The following DCLK1 variants were observed in gnomAD, a reference collection of about 807,000 sequenced individuals.
DCLK1 encodes the protein doublecortin like kinase 1.
A neutral mutation model predicts 86.2 loss-of-function variants in DCLK1; 16 were observed. The ratio of observed to expected loss-of-function variants is 0.19; its 90% CI spans 0.13 to 0.28. The LOEUF (loss-of-function observed/expected upper bound fraction) is 0.28, where lower values mean the gene tolerates loss of function less well. Among genes scored for constraint, DCLK1 ranks in the 10% least tolerant of loss-of-function variants. The pLI, the probability that DCLK1 is intolerant of heterozygous loss-of-function variation, is 1.00. For missense variants in DCLK1, 590 were observed against 940.2 expected (o/e 0.63, Z 4.87); for synonymous variants, 369 against 370.5 (o/e 1.00, Z 0.05).
At chr13:35,956,944 T>C (rs1207057985) in intron 3 of DCLK1, among the ~76,000 whole-genome samples, 1 of 152,208 alleles carries the variant, frequency 6.6e-6, no homozygotes, top group African/African-American at 2.4e-5. Flanking sequence ...AAAGCATTCA[T>C]ATAAAACTTT....
intron 3 of DCLK1, among the ~76,000 whole-genome samples, chr13:36,060,683 T>G (rs1244425201): frequency 6.6e-6 from 1 of 152,158 alleles, no homozygotes; most frequent in East Asian, 1.9e-4. Flanking sequence ...ATGAATTAAA[T>G]GAGTTAATAA....
At chr13:35,790,365 T>A (rs1245659301) in intron 16 of DCLK1, among the ~76,000 whole-genome samples, 1 of 152,144 alleles carries the variant, frequency 6.6e-6, no homozygotes, top group African/African-American at 2.4e-5. Context: ...CTCCAGCAGG[T>A]AGTTAGGTTT....
intron 4 of DCLK1, among the ~76,000 whole-genome samples, chr13:35,916,552 C>T (rs989725578): frequency 9.2e-5 from 14 of 152,148 alleles, no homozygotes; most frequent in African/African-American, 3.4e-4. Context: ...TCTGATCCTG[C>T]CCTTCTCCTT....
In DCLK1 at chr13:36,001,101, A is replaced by G. The variant is rs532465420; in HGVS notation, c.724-53644T>C. 5.9e-5 allele frequency among the ~76,000 whole-genome samples: 9 copies of G among 152,244 alleles called. No individual in the cohort carries two copies. The East Asian group carries it at 9.7e-4, about 16-fold the overall frequency. ...GTAGCTGGGATTAGAGGCATGAGCCACCAAGCCCAGCTAATTTTGTAATTT... is the reference window on the plus strand; with the variant it reads ...GTAGCTGGGATTAGAGGCATGAGCCGCCAAGCCCAGCTAATTTTGTAATTT... On this transcript the variant is annotated intron_variant, in intron 3 of 16. Transcript: ENST00000360631.
At chr13:35,844,321 T>TG (rs1335356808) in intron 6 of DCLK1, among the ~76,000 whole-genome samples, 1 of 152,178 alleles carries the variant, frequency 6.6e-6, no homozygotes, top group Non-Finnish European at 1.5e-5. Context: ...ATGGAAACAG[T>TG]GGTGTTATGG....
At chr13:36,067,733 G>C (rs1277625902) in intron 3 of DCLK1, among the ~76,000 whole-genome samples, 1 of 152,040 alleles carries the variant, frequency 6.6e-6, no homozygotes, top group African/African-American at 2.4e-5. Context: ...TGCTGCCACT[G>C]AAATGCCAGG....
At chr13:36,075,019 A>T (rs1002979819) in intron 3 of DCLK1, among the ~76,000 whole-genome samples, 4 of 152,188 alleles carry the variant, frequency 2.6e-5, no homozygotes, top group African/African-American at 9.6e-5. Flanking sequence ...CAAATATTTT[A>T]TTTCTAAATG....
intron 3 of DCLK1, among the ~76,000 whole-genome samples, chr13:36,097,172 T>C (rs948699222): frequency 2.6e-5 from 4 of 152,146 alleles, no homozygotes; most frequent in Non-Finnish European, 4.4e-5. Flanking sequence ...AGGTCAACAT[T>C]TAAAAGCTGA....
chr13:35,846,833 T>C, intron 6 of DCLK1: 2 of 985,074 alleles, frequency 2.0e-6, no homozygotes, highest in Non-Finnish European at 2.4e-6. Context: ...TGTATATATT[T>C]ATGTAGATAT....
At chr13:35,988,061 G>T (rs2153143111) in intron 3 of DCLK1, among the ~76,000 whole-genome samples, 1 of 152,186 alleles carries the variant, frequency 6.6e-6, no homozygotes, top group South Asian at 2.1e-4. Context: ...GACATTTCTT[G>T]TTCCTTATTT....
intron 3 of DCLK1, among the ~76,000 whole-genome samples, chr13:35,982,586 A>G (rs1158043557): frequency 1.3e-5 from 2 of 152,188 alleles, no homozygotes; most frequent in Non-Finnish European, 2.9e-5. Context: ...CAATGTGAAC[A>G]TTAACAAAGC....
At chr13:36,024,020 C>T (rs559761000) in intron 3 of DCLK1, among the ~76,000 whole-genome samples, 72 of 151,678 alleles carry the variant, frequency 4.7e-4, no homozygotes, top group Middle Eastern at 3.4e-3. Flanking sequence ...CTCAGCCTCC[C>T]GAGTAGCTGG....
At chr13:35,989,801 T>C (rs1045294126) in intron 3 of DCLK1, among the ~76,000 whole-genome samples, 2 of 151,510 alleles carry the variant, frequency 1.3e-5, no homozygotes, top group African/African-American at 4.8e-5. Context: ...ATGCTCCTGC[T>C]TCAGCCTCCT....
chr13:35,783,759 T>C (rs764290422), intron 16 of DCLK1, among the ~76,000 whole-genome samples: 2 of 152,098 alleles, frequency 1.3e-5, no homozygotes, highest in Non-Finnish European at 2.9e-5. Flanking sequence ...TAATTTTTTG[T>C]ATTTTTAGTA....
At chr13:36,016,875 C>T (rs917631718) in intron 3 of DCLK1, among the ~76,000 whole-genome samples, 1 of 152,140 alleles carries the variant, frequency 6.6e-6, no homozygotes, top group African/African-American at 2.4e-5. Context: ...AAGTCTTTGA[C>T]ACGGTGTGCG....
At chr13:35,928,306 C>T (rs1464803767) in intron 4 of DCLK1, among the ~76,000 whole-genome samples, 1 of 152,170 alleles carries the variant, frequency 6.6e-6, no homozygotes, top group Admixed American at 6.5e-5. Context: ...GCACTGCGGC[C>T]TGCCTGCCAC....
At chr13:35,971,982 T>A (rs941933646) in intron 3 of DCLK1, among the ~76,000 whole-genome samples, 3 of 152,168 alleles carry the variant, frequency 2.0e-5, no homozygotes, top group African/African-American at 7.2e-5. Context: ...CTAGACTAAA[T>A]CCTTCCAATT....
intron 4 of DCLK1, among the ~76,000 whole-genome samples, chr13:35,918,594 C>A (rs895495638): frequency 1.3e-5 from 2 of 152,052 alleles, no homozygotes; most frequent in African/African-American, 4.8e-5. Context: ...GGTCTTTGTT[C>A]GATCATTCAA....
intron 4 of DCLK1, among the ~76,000 whole-genome samples, chr13:35,930,782 A>C (rs1876391533): frequency 6.6e-6 from 1 of 152,208 alleles, no homozygotes; most frequent in African/African-American, 2.4e-5. Flanking sequence ...AGAAACTGCT[A>C]ACCAATCTTT....
Sources: gnomAD v4.1 joint callset for allele counts (sites outside exome capture counted in the v4.1 genomes callset) on GRCh38, gnomAD v4.1.1 for gene constraint, MANE v1.5 for transcripts, NCBI Gene and HGNC (gene_info 2026-07-23, HGNC 2026-07-21) for gene names.